RPS6KC1: variants seen among roughly 807,000 people sequenced by gnomAD.
RPS6KC1 encodes the protein ribosomal protein S6 kinase C1.
Under a neutral mutation model 103.8 loss-of-function variants are expected in RPS6KC1, and 54 were observed. The ratio of observed to expected loss-of-function variants is 0.52; its 90% CI spans 0.42 to 0.65. The LOEUF (loss-of-function observed/expected upper bound fraction) is 0.65. RPS6KC1 is among the 30% of genes least tolerant of loss of function. RPS6KC1 has a pLI of 0.00. For missense variants in RPS6KC1, 1,151 were observed against 1,253.8 expected (o/e 0.92, Z 1.24); for synonymous variants, 439 against 438.7 (o/e 1.00, Z -0.01).
At chr1:213,624,010 G>GTTATTGGTCTAAAATTCTCTTTTTTTGTT in the RPS6KC1 span, among the ~76,000 whole-genome samples, 1 of 152,176 alleles carries the variant, frequency 6.6e-6, no homozygotes, top group African/African-American at 2.4e-5. Context: ...TGTGTGGAGG[G>GTTATTGGTCTAAAATTCTCTTTTTTTGTT]GCAACAGAAT....
At chr1:213,498,390 C>T in the RPS6KC1 span, among the ~76,000 whole-genome samples, 1 of 152,226 alleles carries the variant, frequency 6.6e-6, no homozygotes, top group South Asian at 2.1e-4. Flanking sequence ...TAAAAAGATA[C>T]CAAGAAATAC....
chr1:213,343,819 A>G, the RPS6KC1 span, among the ~76,000 whole-genome samples: 1 of 152,154 alleles, frequency 6.6e-6, no homozygotes, highest in East Asian at 1.9e-4. Context: ...AAAAAAAATA[A>G]AAAAGTTTTT....
chr1:213,491,118 G>T, the RPS6KC1 span, among the ~76,000 whole-genome samples: 55,930 of 151,956 alleles, frequency 0.37, 10,679 homozygotes, highest in East Asian at 0.61. Flanking sequence ...GAGGGCAGTT[G>T]TTAAAACGCT....
the RPS6KC1 span, among the ~76,000 whole-genome samples, chr1:213,322,295 A>C: frequency 2.0e-5 from 3 of 152,174 alleles, no homozygotes; most frequent in Non-Finnish European, 4.4e-5. Context: ...CTGTCTCAAA[A>C]AAGAAAAAAA....
chr1:213,711,061 C>T, the RPS6KC1 span, among the ~76,000 whole-genome samples: 1 of 152,144 alleles, frequency 6.6e-6, no homozygotes, highest in Non-Finnish European at 1.5e-5. Flanking sequence ...GAATGTTGGC[C>T]TGTCTTGCTA....
the RPS6KC1 span, among the ~76,000 whole-genome samples, chr1:213,701,496 A>T: frequency 6.6e-6 from 1 of 151,974 alleles, no homozygotes; most frequent in Non-Finnish European, 1.5e-5. Flanking sequence ...TTCAAGTATT[A>T]GTTCTTTAAA....
At chr1:213,850,586 T>A in the RPS6KC1 span, among the ~76,000 whole-genome samples, 3 of 152,338 alleles carry the variant, frequency 2.0e-5, no homozygotes, top group South Asian at 6.2e-4. Context: ...CAATTTGTGT[T>A]GCCTCAAAGT....
the RPS6KC1 span, among the ~76,000 whole-genome samples, chr1:213,391,999 A>G: frequency 7.2e-5 from 11 of 152,008 alleles, no homozygotes; most frequent in African/African-American, 2.4e-4. Flanking sequence ...ACTCTTAGCA[A>G]TTTGGTTTTT....
intron 3 of RPS6KC1, among the ~76,000 whole-genome samples, chr1:213,078,898 T>G (rs2079600824): frequency 6.6e-6 from 1 of 152,200 alleles, no homozygotes; most frequent in African/African-American, 2.4e-5. Context: ...ATCTCCTAGA[T>G]AGTATAATAT....
intron 6 of RPS6KC1, among the ~76,000 whole-genome samples, chr1:213,143,425 A>C (rs1209160097): frequency 2.0e-5 from 3 of 150,642 alleles, no homozygotes; most frequent in African/African-American, 7.3e-5. Flanking sequence ...TTTAACTTTT[A>C]TTTTGCTGTT....
At chr1:213,224,785 A>G (rs1337933550) in intron 8 of RPS6KC1, among the ~76,000 whole-genome samples, 2 of 152,176 alleles carry the variant, frequency 1.3e-5, no homozygotes, top group Non-Finnish European at 2.9e-5. Flanking sequence ...TTCATTACAG[A>G]TTGGCCTACT....
Position 213,242,198 on chromosome 1 carries a change from A to G in RPS6KC1, c.2722A>G (p.Arg908Gly), listed in dbSNP as rs1330000796. Residue 908 changes from arginine (R) to glycine (G), a missense_variant, in exon 11 of 15, where the codon AGA becomes GGA. Transcript: ENST00000366960. ...RFYIPEGCIQ[R>G]WAAEMVVALD... Reference sequence around the variant, plus strand: ...TTACATCCCAGAGGGCTGCATTCAAAGATGGGCAGCTGAAATGGTGGTAGC... The same window carrying G: ...TTACATCCCAGAGGGCTGCATTCAAGGATGGGCAGCTGAAATGGTGGTAGC... The G allele has an allele frequency of 4.3e-6, 7 of 1,614,010 alleles. No homozygotes were observed. Among genetic ancestry groups the G allele is most frequent in the Non-Finnish European group, 5.9e-6 (7 of 1,179,910 alleles).
chr1:213,547,172 T>C, the RPS6KC1 span, among the ~76,000 whole-genome samples: 1 of 152,352 alleles, frequency 6.6e-6, no homozygotes, highest in African/African-American at 2.4e-5. Flanking sequence ...AGGTACCTGC[T>C]ATCAGCATGA....
chr1:213,493,999 T>C, the RPS6KC1 span, among the ~76,000 whole-genome samples: 1 of 152,064 alleles, frequency 6.6e-6, no homozygotes, highest in South Asian at 2.1e-4. Context: ...GAAATCTGGG[T>C]GTAGAGGCTG....
At chr1:213,484,076 A>G in the RPS6KC1 span, among the ~76,000 whole-genome samples, 2 of 152,148 alleles carry the variant, frequency 1.3e-5, no homozygotes, top group Admixed American at 1.3e-4. Context: ...TTTTTCAGTA[A>G]TGTCAACAAG....
At chr1:213,292,115 G>T in the RPS6KC1 span, among the ~76,000 whole-genome samples, 1 of 152,018 alleles carries the variant, frequency 6.6e-6, no homozygotes, top group East Asian at 1.9e-4. Context: ...TGGGGGTAGG[G>T]GGTAGGTATA....
the RPS6KC1 span, among the ~76,000 whole-genome samples, chr1:213,540,121 T>A: frequency 1.4e-4 from 21 of 151,248 alleles, no homozygotes; most frequent in Non-Finnish European, 2.7e-4. Flanking sequence ...ATTTCTTCCT[T>A]TTTTTTGTGA....
chr1:213,135,665 T>G (rs1268512007), intron 6 of RPS6KC1, among the ~76,000 whole-genome samples: 1 of 152,192 alleles, frequency 6.6e-6, no homozygotes, highest in Non-Finnish European at 1.5e-5. Flanking sequence ...TAATTAAGAT[T>G]TTTAAAAATA....
the RPS6KC1 span, among the ~76,000 whole-genome samples, chr1:213,285,867 A>T: frequency 6.6e-6 from 1 of 152,204 alleles, no homozygotes; most frequent in African/African-American, 2.4e-5. Context: ...CCATGTGAGG[A>T]TGCAGCAAGA....
Sources: allele counts gnomAD v4.1 joint callset (sites outside exome capture counted in the v4.1 genomes callset), GRCh38; gene constraint gnomAD v4.1.1; transcripts MANE v1.5; gene names NCBI Gene and HGNC (gene_info 2026-07-23, HGNC 2026-07-21).